Variants in CTNND2 observed in about 807,000 individuals in gnomAD.
The protein encoded by CTNND2 is catenin delta 2, also known as catenin delta-2.
A neutral mutation model predicts 144.4 loss-of-function variants in CTNND2; 22 were observed. The observed-to-expected ratio is 0.15, with a 90% CI of 0.11 to 0.22. The LOEUF is 0.22. Among genes scored for constraint, CTNND2 ranks in the 10% least tolerant of loss-of-function variants. CTNND2 has a pLI of 1.00. For missense variants in CTNND2, 1,353 were observed against 1,618.8 expected (o/e 0.84, Z 2.82); for synonymous variants, 751 against 695.6 (o/e 1.08, Z -1.25).
intron 2 of CTNND2, among the ~76,000 whole-genome samples, chr5:11,609,129 A>G (rs1780199182): frequency 6.6e-6 from 1 of 152,094 alleles, no homozygotes; most frequent in African/African-American, 2.4e-5. Context: ...TGGTTCACTC[A>G]TAGTTTTTTT....
At chr5:11,272,523 A>C (rs1746127882) in intron 9 of CTNND2, among the ~76,000 whole-genome samples, 1 of 152,156 alleles carries the variant, frequency 6.6e-6, no homozygotes, top group Non-Finnish European at 1.5e-5. Context: ...AACAAAACCC[A>C]ATTTTTCCTT....
intron 1 of CTNND2, among the ~76,000 whole-genome samples, chr5:11,884,049 T>A (rs1043672784): frequency 2.6e-5 from 4 of 152,214 alleles, no homozygotes; most frequent in African/African-American, 9.6e-5. Context: ...TACATTTGTT[T>A]AAGTTCCCTG....
chr5:11,641,651 CGT>C (rs1435273607), intron 2 of CTNND2, among the ~76,000 whole-genome samples: 66 of 117,012 alleles, frequency 5.6e-4, no homozygotes, highest in Admixed American at 9.3e-4. Flanking sequence ...TATACATATA[CGT>C]GTGTATATAC....
chr5:11,678,558 T>A (rs947804159), intron 2 of CTNND2, among the ~76,000 whole-genome samples: 1 of 152,170 alleles, frequency 6.6e-6, no homozygotes, highest in Non-Finnish European at 1.5e-5. Context: ...GGAAATTAAA[T>A]GTTATTAAGA....
intron 7 of CTNND2, among the ~76,000 whole-genome samples, chr5:11,382,592 A>T: frequency 9.1e-6 from 1 of 109,640 alleles, no homozygotes; most frequent in Non-Finnish European, 1.9e-5. Context: ...ACAGAGTGAG[A>T]CTCTGTGTGT....
chr5:11,762,317 T>C (rs1225441548), intron 1 of CTNND2, among the ~76,000 whole-genome samples: 1 of 152,094 alleles, frequency 6.6e-6, no homozygotes, highest in Non-Finnish European at 1.5e-5. Context: ...ATTTTCAAGG[T>C]CATACCCTGA....
At chr5:11,071,063 G>T (rs769468474) in intron 16 of CTNND2, among the ~76,000 whole-genome samples, 1 of 151,892 alleles carries the variant, frequency 6.6e-6, no homozygotes, top group Non-Finnish European at 1.5e-5. Context: ...AGGCCAAAGA[G>T]GGGAGAAAAA....
rs866657412 is a variant in CTNND2, at chr5:11,324,142, G to C, written c.1628+22230C>G. On this transcript the variant is annotated intron_variant, in intron 9 of 21. Transcript: ENST00000304623. ...CTGTCTTAGGTATTTTCTGACTATGGTCTGGCTTGACTCCAAACATGCAGA... is the reference window on the plus strand; with the variant it reads ...CTGTCTTAGGTATTTTCTGACTATGCTCTGGCTTGACTCCAAACATGCAGA... 5.9e-5 allele frequency among the ~76,000 whole-genome samples: 9 copies of C among 152,122 alleles called. No individual in the cohort carries two copies. The South Asian group carries it at 8.3e-4, about 14-fold the overall frequency.
chr5:11,537,465 T>A (rs1774320593), intron 3 of CTNND2, among the ~76,000 whole-genome samples: 1 of 152,224 alleles, frequency 6.6e-6, no homozygotes, highest in Non-Finnish European at 1.5e-5. Context: ...GAATAGAATT[T>A]ATATACATCG....
chr5:11,516,360 T>A (rs531580829), intron 3 of CTNND2, among the ~76,000 whole-genome samples: 2 of 151,602 alleles, frequency 1.3e-5, no homozygotes, highest in African/African-American at 2.4e-5. Flanking sequence ...AATAAATAAA[T>A]AAAAATAAAA....
intron 1 of CTNND2, among the ~76,000 whole-genome samples, chr5:11,759,444 T>C (rs925706146): frequency 1.3e-5 from 2 of 152,134 alleles, no homozygotes; most frequent in African/African-American, 4.8e-5. Context: ...TGATGTTTCT[T>C]TTTAAAATCT....
chr5:11,225,768 T>G (rs1740266945), intron 10 of CTNND2, among the ~76,000 whole-genome samples: 2 of 152,190 alleles, frequency 1.3e-5, no homozygotes, highest in Non-Finnish European at 2.9e-5. Flanking sequence ...TTGTTATAGG[T>G]TGAATATCGT....
intron 9 of CTNND2, among the ~76,000 whole-genome samples, chr5:11,295,321 T>C (rs556781072): frequency 1.7e-3 from 253 of 152,146 alleles, no homozygotes; most frequent in African/African-American, 5.3e-3. Context: ...CACTGCTCGA[T>C]GAAATAAAAG....
At chr5:11,153,058 G>A (rs1395870233) in intron 12 of CTNND2, among the ~76,000 whole-genome samples, 1 of 152,138 alleles carries the variant, frequency 6.6e-6, no homozygotes, top group Non-Finnish European at 1.5e-5. Context: ...GAGGTCAGGA[G>A]TTCAGGACTA....
At chr5:11,417,604 T>C (rs1398693604) in intron 3 of CTNND2, among the ~76,000 whole-genome samples, 1 of 152,108 alleles carries the variant, frequency 6.6e-6, no homozygotes, top group Non-Finnish European at 1.5e-5. Flanking sequence ...ACAAGATAAC[T>C]CCTCATACAC....
At chr5:11,563,290 A>C (rs1182908364) in intron 3 of CTNND2, among the ~76,000 whole-genome samples, 1 of 152,236 alleles carries the variant, frequency 6.6e-6, no homozygotes, top group African/African-American at 2.4e-5. Flanking sequence ...ATAGTGAAAC[A>C]AGAGGCTTCA....
intron 3 of CTNND2, among the ~76,000 whole-genome samples, chr5:11,527,755 T>G (rs1310111212): frequency 6.6e-6 from 1 of 152,202 alleles, no homozygotes; most frequent in African/African-American, 2.4e-5. Context: ...TACTGTATAC[T>G]CTTAACGAGA....
intron 11 of CTNND2, among the ~76,000 whole-genome samples, chr5:11,170,789 G>T (rs1218068801): frequency 1.3e-5 from 2 of 152,186 alleles, no homozygotes. Context: ...ACCTGAGACT[G>T]GGTAATTTAT....
chr5:11,423,362 G>A (rs1762522311), intron 3 of CTNND2, among the ~76,000 whole-genome samples: 1 of 152,192 alleles, frequency 6.6e-6, no homozygotes, highest in Non-Finnish European at 1.5e-5. Context: ...GCATCTCTCA[G>A]GTGGATTATC....
Sources: gnomAD v4.1 joint callset for allele counts (sites outside exome capture counted in the v4.1 genomes callset) on GRCh38, gnomAD v4.1.1 for gene constraint, MANE v1.5 for transcripts, NCBI Gene and HGNC (gene_info 2026-07-23, HGNC 2026-07-21) for gene names.